Variants in ICOS observed in about 807,000 individuals in gnomAD.
ICOS encodes inducible T cell costimulator, also known as inducible T-cell costimulator.
Under a neutral mutation model 24.6 loss-of-function variants are expected in ICOS, and 15 were observed. The observed-to-expected ratio is 0.61, with a 90% CI of 0.41 to 0.94. The LOEUF is 0.94. Among genes scored for constraint, ICOS ranks in the 40% least tolerant of loss-of-function variants. The probability of loss-of-function intolerance (pLI) is 0.00; values close to 1 mark genes in which losing one functional copy is unlikely to be tolerated. For synonymous variants in ICOS, 89 were observed against 77.5 expected, an observed-to-expected ratio of 1.15 and a Z score of -0.78; for missense variants, 200 against 233.0, an observed-to-expected ratio of 0.86 and a Z score of 0.92.
intron 4 of ICOS, 136 bp downstream of exon 4, chr2:203,958,019 C>G: frequency 1.6e-6 from 1 of 627,942 alleles, no homozygotes; most frequent in Non-Finnish European, 2.8e-6. Flanking sequence ...CTGTGAAAAT[C>G]TGGATTTCTC....
chr2:203,953,608 T>C (rs1444681003), intron 1 of ICOS, among the ~76,000 whole-genome samples: 1 of 152,202 alleles, frequency 6.6e-6, no homozygotes, highest in Non-Finnish European at 1.5e-5. Flanking sequence ...AGTAGAGGTG[T>C]GACAAATAGC....
chr2:203,941,362 C>G (rs553248326), intron 1 of ICOS, among the ~76,000 whole-genome samples: 205 of 152,220 alleles, frequency 1.3e-3, no homozygotes, highest in African/African-American at 4.2e-3. Flanking sequence ...ATGGATATTT[C>G]AGTTTTAAGT....
intron 1 of ICOS, among the ~76,000 whole-genome samples, chr2:203,939,292 T>C (rs1178030695): frequency 6.6e-6 from 1 of 152,114 alleles, no homozygotes; most frequent in Non-Finnish European, 1.5e-5. Flanking sequence ...CCTTTGTTAT[T>C]TGGTTGTGAA....
chr2:203,942,646 A>T (rs1210253801), intron 1 of ICOS, among the ~76,000 whole-genome samples: 6 of 152,252 alleles, frequency 3.9e-5, no homozygotes, highest in Non-Finnish European at 7.3e-5. Flanking sequence ...TAAGGTGATA[A>T]TATATCCAAT....
intron 1 of ICOS, among the ~76,000 whole-genome samples, chr2:203,939,739 C>T (rs1367120476): frequency 2.0e-5 from 3 of 152,126 alleles, no homozygotes; most frequent in African/African-American, 2.4e-5. Context: ...GTGTCTCCAG[C>T]GTCTGAGAGA....
chr2:203,956,786 C>T, intron 3 of ICOS, 21 bp downstream of exon 3: 1 of 1,425,540 alleles, frequency 7.0e-7, no homozygotes, highest in Non-Finnish European at 9.9e-7. Context: ...TCTATCTTTC[C>T]TTGTATCTGC....
At chr2:203,954,980 T>C (rs1690052825) in intron 1 of ICOS, among the ~76,000 whole-genome samples, 1 of 151,976 alleles carries the variant, frequency 6.6e-6, no homozygotes, top group Admixed American at 6.6e-5. Flanking sequence ...TTTTATCTGC[T>C]TTACTGATGT....
chr2:203,942,866 G>T (rs1689802614), intron 1 of ICOS, among the ~76,000 whole-genome samples: 1 of 151,988 alleles, frequency 6.6e-6, no homozygotes, highest in Non-Finnish European at 1.5e-5. Flanking sequence ...TTTTTTCTTT[G>T]TTTTTGTTGG....
chr2:203,947,070 T>TGTC (rs1425854021), intron 1 of ICOS, among the ~76,000 whole-genome samples: 8 of 152,174 alleles, frequency 5.3e-5, no homozygotes, highest in Admixed American at 2.6e-4. Flanking sequence ...ACTGGTGAAA[T>TGTC]GAAGTAGTCC....
chr2:203,953,722 A>C (rs1690024869), intron 1 of ICOS, among the ~76,000 whole-genome samples: 1 of 152,278 alleles, frequency 6.6e-6, no homozygotes, highest in South Asian at 2.1e-4. Context: ...TAATATTTAC[A>C]TAAAAGCAAA....
At chr2:203,951,538 T>C (rs916693164) in intron 1 of ICOS, among the ~76,000 whole-genome samples, 11 of 152,186 alleles carry the variant, frequency 7.2e-5, no homozygotes, top group Non-Finnish European at 7.4e-5. Flanking sequence ...TCCACTGCAA[T>C]GCACTTCCAC....
At chr2:203,953,764 G>A (rs1690025611) in intron 1 of ICOS, among the ~76,000 whole-genome samples, 1 of 152,092 alleles carries the variant, frequency 6.6e-6, no homozygotes, top group Admixed American at 6.5e-5. Context: ...TCCAACGTTA[G>A]TATTTTAGTT....
intron 1 of ICOS, among the ~76,000 whole-genome samples, chr2:203,949,552 A>G (rs1689933841): frequency 6.6e-6 from 1 of 152,214 alleles, no homozygotes; most frequent in South Asian, 2.1e-4. Context: ...GAGGGTATTT[A>G]TAGGATGCCT....
At chr2:203,947,242 A>C (rs1019222782) in intron 1 of ICOS, among the ~76,000 whole-genome samples, 3 of 152,204 alleles carry the variant, frequency 2.0e-5, no homozygotes, top group Non-Finnish European at 2.9e-5. Flanking sequence ...ATCACTTAAT[A>C]TAAAGATTTT....
chr2:203,944,029 G>A (rs1159962536), intron 1 of ICOS, among the ~76,000 whole-genome samples: 1 of 152,156 alleles, frequency 6.6e-6, no homozygotes, highest in East Asian at 1.9e-4. Context: ...TCCAGGCAAA[G>A]GGCAAGACTG....
intron 1 of ICOS, among the ~76,000 whole-genome samples, chr2:203,941,936 G>A (rs1420202752): frequency 6.6e-6 from 1 of 152,086 alleles, no homozygotes; most frequent in East Asian, 1.9e-4. Flanking sequence ...CTGGGGATAT[G>A]AACTTCCTTC....
intron 4 of ICOS, among the ~76,000 whole-genome samples, chr2:203,958,761 G>T (rs1052373772): frequency 5.5e-5 from 8 of 144,580 alleles, no homozygotes; most frequent in South Asian, 2.3e-4. Flanking sequence ...GACTCTTTTG[G>T]TTCCCTAGAC....
chr2:203,959,190 A>G (rs1372894531), intron 4 of ICOS, among the ~76,000 whole-genome samples: 5 of 152,114 alleles, frequency 3.3e-5, no homozygotes, highest in Admixed American at 6.5e-5. Flanking sequence ...CTGTGCCTCT[A>G]CTTGGGATGA....
chr2:203,955,044 T>C (rs2105753705), intron 1 of ICOS, among the ~76,000 whole-genome samples: 1 of 152,126 alleles, frequency 6.6e-6, no homozygotes, highest in African/African-American at 2.4e-5. Flanking sequence ...TCAGAGTAGT[T>C]TGATCAACAG....
Sources: allele counts gnomAD v4.1 joint callset (sites outside exome capture counted in the v4.1 genomes callset), GRCh38; gene constraint gnomAD v4.1.1; transcripts MANE v1.5; gene names NCBI Gene and HGNC (gene_info 2026-07-23, HGNC 2026-07-21).